GK: variants seen among roughly 807,000 people sequenced by gnomAD.
GK encodes glycerol kinase.
In GK, 9 loss-of-function variants were observed where a neutral mutation model predicts 56.4. That is an observed-to-expected ratio of 0.16 (90% CI 0.10 to 0.28). The LOEUF (loss-of-function observed/expected upper bound fraction) is 0.28. GK is among the 10% of genes least tolerant of loss of function. The probability of loss-of-function intolerance (pLI) is 1.00; values close to 1 mark genes in which losing one functional copy is unlikely to be tolerated. For synonymous variants in GK, 104 were observed against 144.1 expected (o/e 0.72, Z 1.99); for missense variants, 161 against 431.4 (o/e 0.37, Z 5.55).
intron 4 of GK, chrX:30,678,240 G>T: frequency 5.2e-6 from 2 of 382,751 alleles, no homozygotes; most frequent in African/African-American, 2.5e-5. Flanking sequence ...TTTGAGCAGG[G>T]ATTTAAAAAA....
chrX:30,725,862 C>T (rs1338519305), intron 19 of GK, among the ~76,000 whole-genome samples: 2 of 110,070 alleles, frequency 1.8e-5, no homozygotes, highest in African/African-American at 3.3e-5. Context: ...ACCATCTTGG[C>T]CAGGCTGGTC....
intron 18 of GK, among the ~76,000 whole-genome samples, chrX:30,723,547 G>T (rs1354870086): frequency 9.0e-6 from 1 of 111,382 alleles, no homozygotes; most frequent in Admixed American, 9.5e-5. Flanking sequence ...GAGTGGCCCA[G>T]TCTGCATAGC....
chrX:30,696,931 A>G (rs1935278416), intron 8 of GK: 2 of 361,908 alleles, frequency 5.5e-6, no homozygotes, highest in African/African-American at 2.6e-5. Context: ...CTCTAACTTT[A>G]GATGTTGGCA....
At position 30,700,917 on chromosome X, in the gene GK, A is replaced by T; in HGVS notation, c.851+12A>T. The T allele has an allele frequency of 9.0e-7, 1 of 1,107,927 alleles. No individual in the cohort carries two copies. The highest frequency in any genetic ancestry group is 1.8e-5 in the South Asian group (1 of 54,613). The allele number at this position is 1,107,927 out of a possible 1,213,427, so 91.3% of individuals were successfully genotyped here. On this transcript the variant is annotated intron_variant, in intron 11 of 20. Transcript: ENST00000427190. ...CAAGCCAAAAATACGTGAGTTTAAG[A>T]AACAGACTTAAAAACCAATGCTGTT...
chrX:30,711,840 C>T (rs1936337524), intron 13 of GK, among the ~76,000 whole-genome samples: 1 of 111,627 alleles, frequency 9.0e-6, no homozygotes, highest in South Asian at 3.8e-4. Context: ...ATCCCAAGAA[C>T]CTCTATTTGC....
intron 18 of GK, among the ~76,000 whole-genome samples, chrX:30,723,461 G>A (rs1004559539): frequency 4.6e-4 from 50 of 109,787 alleles, no homozygotes; most frequent in African/African-American, 1.4e-3. Flanking sequence ...CCTTTTCCTC[G>A]TACCCTTTCC....
At chrX:30,723,715 C>T (rs763744742) in intron 18 of GK, 9 of 214,353 alleles carry the variant, frequency 4.2e-5, no homozygotes, top group African/African-American at 2.6e-4. Context: ...CTCCACCTCC[C>T]AGGCTCAAAT....
intron 19 of GK, 75 bp from the exon 20 acceptor site, chrX:30,727,391 A>G (rs1937179406): frequency 1.6e-6 from 1 of 611,216 alleles, no homozygotes; most frequent in African/African-American, 2.2e-5. Flanking sequence ...TGTGATTCTT[A>G]ACACAAATAT....
intron 13 of GK, among the ~76,000 whole-genome samples, chrX:30,710,792 A>AT (rs1237332931): frequency 2.7e-5 from 3 of 110,092 alleles, no homozygotes; most frequent in South Asian, 3.8e-4. Context: ...TATTTTGGTG[A>AT]TTTTTTTTCT....
chrX:30,707,559 T>C lies in GK; in HGVS notation c.855T>C (p.Tyr285=), dbSNP rs987995875. ...CFQIGQAKNT[Y]GTGCFLLCNT... is the part of the protein sequence containing the mutation. ...TTCATTCTCCCTTCAACCATAGGTA[T>C]GGAACAGGATGTTTCTTACTATGTA... Residue 285 remains tyrosine, a synonymous_variant, in exon 12 of 21, where the codon TAT becomes TAC. Coordinates refer to ENST00000427190, the MANE Select transcript of GK (RefSeq NM_001205019.2). 3.1e-5 allele frequency: 34 copies of C among 1,103,854 alleles called. No homozygotes were observed. Among genetic ancestry groups the C allele is most frequent in the Non-Finnish European group, 3.9e-5 (31 of 800,348 alleles). The allele number at this position is 1,103,854 out of a possible 1,213,427, so 91.0% of individuals were successfully genotyped here. A position where few individuals can be genotyped will look rare whatever the true frequency, so the allele number is the denominator to read the frequency against.
intron 1 of GK, among the ~76,000 whole-genome samples, chrX:30,664,754 G>T (rs1307732629): frequency 1.1e-5 from 1 of 94,996 alleles, no homozygotes; most frequent in Non-Finnish European, 2.1e-5. Context: ...GTCGCTCAGG[G>T]TGGAGCTCAA....
chrX:30,721,360 C>T (rs945132899), intron 18 of GK, among the ~76,000 whole-genome samples: 1 of 106,789 alleles, frequency 9.4e-6, no homozygotes, highest in Non-Finnish European at 1.9e-5. Flanking sequence ...GGCACAATCT[C>T]GGCTCACTGC....
Position 30,723,877 on chromosome X carries a change from C to G in GK, c.1502-224C>G, listed in dbSNP as rs1371304801. 11 of 418,261 alleles carry G rather than the reference C, an allele frequency of 2.6e-5. No homozygotes were observed. In the South Asian group the frequency reaches 3.1e-4, roughly 12 times the overall value. The allele number at this position is 418,261 out of a possible 1,213,427, so 34.5% of individuals were successfully genotyped here. A position where few individuals can be genotyped will look rare whatever the true frequency, so the allele number is the denominator to read the frequency against. ...TACAGGCATGAGCCACTACACCCAG[C>G]CTCCCTGTGTCCTGTTTCACTCCAA... On this transcript the variant is annotated intron_variant, in intron 18 of 20. Transcript: ENST00000427190.
chrX:30,678,261 C>T (rs1934045241), intron 4 of GK: 1 of 371,046 alleles, frequency 2.7e-6, no homozygotes, highest in South Asian at 4.5e-5. Context: ...CCCCAAATCT[C>T]AAATATACCA....
rs891743855 is a variant in GK, at chrX:30,678,220, A to G, written c.337+768A>G. 231 of 400,423 alleles carry G rather than the reference A, an allele frequency of 5.8e-4. 2 individuals are homozygous for G. Among genetic ancestry groups the G allele is most frequent in the Non-Finnish European group, 7.8e-5 (18 of 230,572 alleles). The allele number at this position is 400,423 out of a possible 1,213,427, so 33.0% of individuals were successfully genotyped here. On this transcript the variant is annotated intron_variant, in intron 4 of 20. Transcript: ENST00000427190. ...TCGAATTTTAGCTGCTTCTTCTACA[A>G]ATGTGGCTATTTGAGCAGGGATTTA...
At chrX:30,699,263 T>C (rs1311851735) in intron 9 of GK, among the ~76,000 whole-genome samples, 1 of 86,794 alleles carries the variant, frequency 1.2e-5, no homozygotes, top group Non-Finnish European at 2.4e-5. Context: ...ATACATGTTA[T>C]GTATAACATG....
intron 1 of GK, among the ~76,000 whole-genome samples, chrX:30,656,419 C>A (rs1414435584): frequency 8.9e-6 from 1 of 111,979 alleles, no homozygotes; most frequent in Non-Finnish European, 1.9e-5. Context: ...AAGCTTTCTT[C>A]TTCTTTTTTC....
chrX:30,669,473 C>T (rs777376302), intron 3 of GK, among the ~76,000 whole-genome samples: 11 of 111,181 alleles, frequency 9.9e-5, no homozygotes, highest in Admixed American at 2.9e-4. Context: ...TGAGCCACCG[C>T]GCCCAGCGAA....
intron 4 of GK, among the ~76,000 whole-genome samples, chrX:30,689,274 T>A (rs1934797712): frequency 8.9e-6 from 1 of 112,108 alleles, no homozygotes; most frequent in Non-Finnish European, 1.9e-5. Flanking sequence ...GTAAGGAAGG[T>A]CCACATTTGT....
Sources: gnomAD v4.1 joint callset for allele counts (sites outside exome capture counted in the v4.1 genomes callset) on GRCh38, gnomAD v4.1.1 for gene constraint, MANE v1.5 for transcripts, NCBI Gene and HGNC (gene_info 2026-07-23, HGNC 2026-07-21) for gene names.